The following IL16 variants were observed in gnomAD, a reference collection of about 807,000 sequenced individuals.
The protein encoded by IL16 is interleukin 16, also known as pro-interleukin-16.
In IL16, 67 loss-of-function variants were observed where a neutral mutation model predicts 110.1. The ratio of observed to expected loss-of-function variants is 0.61; its 90% CI spans 0.50 to 0.75. The LOEUF (loss-of-function observed/expected upper bound fraction) is 0.75, where lower values mean the gene tolerates loss of function less well. Ranked by LOEUF, IL16 falls within the 30% of genes least tolerant of loss-of-function variation. IL16 has a pLI of 0.00. For missense variants in IL16, 1,545 were observed against 1,655.0 expected (o/e 0.93, Z 1.15); for synonymous variants, 689 against 662.9 (o/e 1.04, Z -0.61).
At position 81,311,448 on chromosome 15, in the gene IL16, C is replaced by G. The variant is rs1210832471; in HGVS notation, c.*2650C>G. 6.6e-6 allele frequency: 1 copy of G among 152,266 alleles called. No homozygotes were observed. The highest frequency in any genetic ancestry group is 1.5e-5 in the Non-Finnish European group (1 of 68,062). The allele number at this position is 152,266 out of a possible 1,614,324, so 9.4% of individuals were successfully genotyped here. On this transcript the variant is annotated 3_prime_UTR_variant, in exon 19 of 19. Coordinates refer to ENST00000683961, the MANE Select transcript of IL16 (RefSeq NM_172217.5). ...CTTGGCCCAAGTGGCAGAGCTTGGA[C>G]TGGATGCATGTTTTCCAGCTCCTCA...
chr15:81,250,375 A>G (rs1000205057), intron 2 of IL16, among the ~76,000 whole-genome samples: 1 of 152,022 alleles, frequency 6.6e-6, no homozygotes, highest in African/African-American at 2.4e-5. Flanking sequence ...ATGGGGCTTC[A>G]CCGTGTTGGT....
chr15:81,195,315 GA>G (rs1895569025), upstream of IL16, among the ~76,000 whole-genome samples: 1 of 152,144 alleles, frequency 6.6e-6, no homozygotes, highest in South Asian at 2.1e-4. Context: ...CTGGGGTGCT[GA>G]ATTGCTCCTC....
upstream of IL16, among the ~76,000 whole-genome samples, chr15:81,192,701 A>G (rs941446509): frequency 2.0e-5 from 3 of 152,252 alleles, no homozygotes; most frequent in African/African-American, 7.2e-5. Context: ...CAAAAAGCCT[A>G]CCTGCTATTA....
At chr15:81,259,224 C>T (rs189347460) in intron 2 of IL16, among the ~76,000 whole-genome samples, 71 of 152,212 alleles carry the variant, frequency 4.7e-4, no homozygotes, top group African/African-American at 1.5e-3. Context: ...ACATTCATTC[C>T]GCAAATAGTT....
chr15:81,188,308 C>A, intron 1 of IL16: 1 of 456,248 alleles, frequency 2.2e-6, no homozygotes, highest in Non-Finnish European at 4.4e-6. Flanking sequence ...TAGACACAGG[C>A]ATTTCTGGCT....
In IL16 at chr15:81,285,734, T is replaced by C. The variant is rs760206820; in HGVS notation, c.1236T>C (p.Pro412=). The change falls in exon 10 of 19, where the codon CCT becomes CCC. Residue 412 remains proline, a synonymous_variant. Coordinates refer to ENST00000683961, the MANE Select transcript of IL16 (RefSeq NM_172217.5). ...GDEIVEISDS[P]VHCLTLNEVY... is the part of the protein sequence containing the mutation. ...AGATTGTGGAAATCAGTGATTCCCCTGTGCACTGCCTGACGCTCAATGAAG... is the reference window on the plus strand; with the variant it reads ...AGATTGTGGAAATCAGTGATTCCCCCGTGCACTGCCTGACGCTCAATGAAG... 3 of 1,614,120 alleles carry C rather than the reference T, an allele frequency of 1.9e-6. No homozygotes were observed. The highest frequency in any genetic ancestry group is 8.5e-7 in the Non-Finnish European group (1 of 1,179,936).
intron 12 of IL16, chr15:81,295,257 C>A: frequency 2.2e-6 from 1 of 464,526 alleles, no homozygotes; most frequent in Non-Finnish European, 3.0e-6. Context: ...TCTCTTCTCC[C>A]TCCCTCATCC....
At chr15:81,258,727 C>A (rs191737134) in intron 2 of IL16, among the ~76,000 whole-genome samples, 1 of 141,774 alleles carries the variant, frequency 7.1e-6, no homozygotes, top group South Asian at 2.1e-4. Flanking sequence ...CACTCGCGCA[C>A]GCGCTCTCTC....
intron 2 of IL16, among the ~76,000 whole-genome samples, chr15:81,257,318 G>A (rs1897981859): frequency 6.6e-6 from 1 of 152,324 alleles, no homozygotes; most frequent in South Asian, 2.1e-4. Flanking sequence ...AAGACTGAGT[G>A]GACTTCTGGC....
rs1229792269 is a variant in IL16, at chr15:81,310,790, G to A, written c.*1992G>A. ...AAGACTGGAAGGTGGGGACAGGGATGAGCATGGAGCTGGCCGTGGGCCTGG... is the reference window on the plus strand; with the variant it reads ...AAGACTGGAAGGTGGGGACAGGGATAAGCATGGAGCTGGCCGTGGGCCTGG... On this transcript the variant is annotated 3_prime_UTR_variant, in exon 19 of 19. Coordinates refer to ENST00000683961, the MANE Select transcript of IL16 (RefSeq NM_172217.5). 6.6e-6 allele frequency: 1 copy of A among 152,316 alleles called. No individual in the cohort carries two copies. The highest frequency in any genetic ancestry group is 2.4e-5 in the African/African-American group (1 of 41,436). 9.4% of individuals were successfully genotyped at this position (152,316 alleles called of 1,614,324 possible).
rs1318345889 is a variant in IL16 at position 81,199,031 on chromosome 15, ATATAT to A, written c.-102+1880_-102+1884del. On this transcript the variant is annotated intron_variant, in intron 1 of 18. Coordinates refer to ENST00000683961, the MANE Select transcript of IL16 (RefSeq NM_172217.5). ...GGAGACTCCATCTCAAAAAAAAAAA[ATATAT>A]ATATATATATATATATATATATATA... 1.7e-3 allele frequency among the ~76,000 whole-genome samples: 166 copies of A among 96,772 alleles called. 3 individuals carry two copies. The highest frequency in any genetic ancestry group is 6.5e-3 in the African/African-American group (151 of 23,374). The allele number at this position is 96,772 out of a possible 152,430, so 63.5% of individuals were successfully genotyped here.
chr15:81,250,295 G>C (rs1163408671), intron 2 of IL16, among the ~76,000 whole-genome samples: 1 of 151,980 alleles, frequency 6.6e-6, no homozygotes. Flanking sequence ...TCAGCCTCAC[G>C]AGTAGCTGGG....
At position 81,241,905 on chromosome 15, in the gene IL16, G is replaced by A. The variant is rs182526575; in HGVS notation, c.312+16194G>A. On this transcript the variant is annotated intron_variant, in intron 2 of 18. Coordinates refer to ENST00000683961, the MANE Select transcript of IL16 (RefSeq NM_172217.5). ...AGTTTCATAGTCTTACATTATACTT[G>A]TAAGTCCATTTTGAGTTAATTTTTG... 5.1e-4 allele frequency among the ~76,000 whole-genome samples: 77 copies of A among 149,872 alleles called. No homozygotes were observed. In the East Asian group the frequency reaches 0.014, roughly 28 times the overall value.
At chr15:81,224,825 C>A (rs148922922) in intron 1 of IL16, among the ~76,000 whole-genome samples, 55 of 152,254 alleles carry the variant, frequency 3.6e-4, no homozygotes, top group Middle Eastern at 6.8e-3. Context: ...GGTGAAGTTA[C>A]CAAGGGGACC....
chr15:81,241,673 C>G (rs975988019), intron 2 of IL16, among the ~76,000 whole-genome samples: 1 of 151,992 alleles, frequency 6.6e-6, no homozygotes, highest in Admixed American at 6.6e-5. Flanking sequence ...CCAAAAGTCA[C>G]AAGAAAACAA....
At chr15:81,294,471 T>C (rs935588658) in intron 12 of IL16, among the ~76,000 whole-genome samples, 6 of 152,110 alleles carry the variant, frequency 3.9e-5, no homozygotes, top group African/African-American at 1.2e-4. Context: ...CAGAGCCACA[T>C]AGGGTCAGGG....
At chr15:81,248,805 C>A (rs1897663258) in intron 2 of IL16, among the ~76,000 whole-genome samples, 1 of 148,744 alleles carries the variant, frequency 6.7e-6, no homozygotes, top group South Asian at 2.1e-4. Context: ...ACGGCAAACT[C>A]CACCCCCTGG....
At chr15:81,290,015 C>T (rs1899635537) in intron 10 of IL16, 1 of 383,942 alleles carries the variant, frequency 2.6e-6, no homozygotes. Context: ...GACTCATACT[C>T]TTAACTATTA....
At chr15:81,278,789 C>G in intron 6 of IL16, 28 bp from the exon 7 acceptor site, 1 of 1,510,358 alleles carries the variant, frequency 6.6e-7, no homozygotes, top group East Asian at 2.3e-5. Context: ...CAACACTCTT[C>G]TTAGCTACAC....
Sources: gnomAD v4.1 joint callset for allele counts (sites outside exome capture counted in the v4.1 genomes callset) on GRCh38, gnomAD v4.1.1 for gene constraint, MANE v1.5 for transcripts, NCBI Gene and HGNC (gene_info 2026-07-23, HGNC 2026-07-21) for gene names.